The following PPP4R3A variants were observed in gnomAD, a reference collection of about 807,000 sequenced individuals.
The protein encoded by PPP4R3A is protein phosphatase 4 regulatory subunit 3A, also known as serine/threonine-protein phosphatase 4 regulatory subunit 3A.
In PPP4R3A, 15 loss-of-function variants were observed where a neutral mutation model predicts 91.7. The ratio of observed to expected loss-of-function variants is 0.16; its 90% CI spans 0.11 to 0.25. The LOEUF is 0.25. Ranked by LOEUF, PPP4R3A falls within the 10% of genes least tolerant of loss-of-function variation. The probability of loss-of-function intolerance (pLI) is 1.00; values close to 1 mark genes in which losing one functional copy is unlikely to be tolerated. For synonymous variants in PPP4R3A, 377 were observed against 348.7 expected (o/e 1.08, Z -0.91); for missense variants, 623 against 998.4 (o/e 0.62, Z 5.07).
Position 91,458,710 on chromosome 14 carries a change from G to A in PPP4R3A, c.*49C>T. On this transcript the variant is annotated 3_prime_UTR_variant, in exon 15 of 15. Coordinates refer to ENST00000554943, the MANE Select transcript of PPP4R3A (RefSeq NM_001366432.2). ...TGTGGATTTTGTATGGGGGAGGGGT[G>A]GAGAACCAGTTTTTTTCAACAGGTA... The A allele has an allele frequency of 1.2e-6, 2 of 1,613,452 alleles. No homozygotes were observed. The highest frequency in any genetic ancestry group is 1.7e-6 in the Non-Finnish European group (2 of 1,179,582).
rs1003715225 is a variant in PPP4R3A, at chr14:91,478,485, C to T, written c.916-1499G>A. Among the ~76,000 whole-genome samples, 4 of 152,378 alleles carry T rather than the reference C, an allele frequency of 2.6e-5. 1 individual carries two copies. Among genetic ancestry groups the T allele is most frequent in the South Asian group, 4.1e-4 (2 of 4,834 alleles). ...CATTTGTAAAATGCTACAGCCTTCA[C>T]AGCAGCACTTTGGATAGAAGTGTCC... On this transcript the variant is annotated intron_variant, in intron 4 of 14. Transcript: ENST00000554943.
intron 1 of PPP4R3A, among the ~76,000 whole-genome samples, chr14:91,496,288 T>C (rs1321185190): frequency 6.6e-6 from 1 of 152,222 alleles, no homozygotes; most frequent in Non-Finnish European, 1.5e-5. Flanking sequence ...ACCTTTTTGA[T>C]GTATTATACT....
intron 4 of PPP4R3A, among the ~76,000 whole-genome samples, chr14:91,481,264 G>GA (rs1320575912): frequency 1.3e-5 from 2 of 152,150 alleles, no homozygotes; most frequent in African/African-American, 4.8e-5. Context: ...CCAGGGAAGC[G>GA]AAGGTGGAGG....
At chr14:91,490,479 CTTTT>C (rs11462458) in intron 2 of PPP4R3A, among the ~76,000 whole-genome samples, 23 of 147,180 alleles carry the variant, frequency 1.6e-4, no homozygotes, top group Middle Eastern at 7.0e-3. Flanking sequence ...CAATGGTCAC[CTTTT>C]TTTTTTAGGT....
At chr14:91,506,049 C>T (rs941183950) in intron 1 of PPP4R3A, among the ~76,000 whole-genome samples, 1 of 152,086 alleles carries the variant, frequency 6.6e-6, no homozygotes, top group East Asian at 1.9e-4. Context: ...GTGTTCACAC[C>T]ATTCTCCTGC....
In PPP4R3A at chr14:91,461,444, T is replaced by G; in HGVS notation, c.2328A>C (p.Gly776=). 6.2e-7 allele frequency: 1 copy of G among 1,614,108 alleles called. No homozygotes were observed. ...PGSPGSPGSP[G]SPGSPGSVPK... is the part of the protein sequence containing the mutation. ...GTACGGATCCAGGAGAGCCTGGAGA[T>G]CCTGGGGATCCAGGTGATCCCGGAG... The change falls in exon 14 of 15, where the codon GGA becomes GGC. Residue 776 remains glycine, a synonymous_variant. Transcript: ENST00000554943.
At position 91,476,977 on chromosome 14, in the gene PPP4R3A, T is replaced by C. The variant is rs1325330384; in HGVS notation, c.925A>G (p.Lys309Glu). ...EIVGMLQEDE[K>E]FLTDLFAQLT... ...TGTGCAAACAAATCTGTCAGAAATT[T>C]TTCATCTTCCTGTGAAACAAAGGAC... Residue 309 changes from lysine to glutamate, a missense_variant, in exon 5 of 15, where the codon AAA becomes GAA. By Grantham distance (56) the Lys-to-Glu change is moderately conservative. This residue lies in a region of PPP4R3A where 264 missense variants were observed against 377.3 expected (regional missense o/e 0.70). Transcript: ENST00000554943. The C allele has an allele frequency of 6.3e-7, 1 of 1,599,984 alleles. No homozygotes were observed. Among genetic ancestry groups the C allele is most frequent in the African/African-American group, 1.3e-5 (1 of 74,716 alleles).
chr14:91,473,997 T>G (rs1889011129), intron 7 of PPP4R3A, among the ~76,000 whole-genome samples: 1 of 152,078 alleles, frequency 6.6e-6, no homozygotes, highest in African/African-American at 2.4e-5. Flanking sequence ...TTGAACTCCC[T>G]ACCTCAGGTG....
chr14:91,498,915 C>CCTGTG (rs1288454646), intron 1 of PPP4R3A, among the ~76,000 whole-genome samples: 4 of 85,842 alleles, frequency 4.7e-5, no homozygotes, highest in South Asian at 4.0e-4. Context: ...GAGACTCCAA[C>CCTGTG]TCAAAAAAAA....
rs376796437 is a variant in PPP4R3A at position 91,481,915 on chromosome 14, C to G, written c.576G>C (p.Leu192Phe). Residue 192 changes from leucine to phenylalanine, a missense_variant, in exon 4 of 15, where the codon TTG becomes TTC. Leu to Phe is a conservative substitution (Grantham distance 22). Transcript: ENST00000554943. ...GAAAGATGCCTTTGATAATTTCATA[C>G]AAGTGGTGCAGTCCTTCAATATTTT... ...DLENIEGLHHLYEIIKGIFLL... is the reference protein window; with the variant it reads ...DLENIEGLHHFYEIIKGIFLL... 32 of 1,613,872 alleles carry G rather than the reference C, an allele frequency of 2.0e-5. No homozygotes were observed. The highest frequency in any genetic ancestry group is 2.5e-5 in the Non-Finnish European group (29 of 1,180,016).
intron 1 of PPP4R3A, 100 bp from the exon 2 acceptor site, chr14:91,490,902 T>C: frequency 4.3e-6 from 1 of 231,690 alleles, no homozygotes; most frequent in South Asian, 9.6e-5. Flanking sequence ...TAATAATAAT[T>C]TTTTTTTTTT....
intron 1 of PPP4R3A, 65 bp from the exon 2 acceptor site, chr14:91,490,867 T>A: frequency 8.3e-5 from 59 of 707,426 alleles, no homozygotes; most frequent in Non-Finnish European, 1.2e-4. Flanking sequence ...TTCCCTTACA[T>A]ACACACATAT....
chr14:91,503,200 C>A (rs1422723042), intron 1 of PPP4R3A, among the ~76,000 whole-genome samples: 1 of 152,150 alleles, frequency 6.6e-6, no homozygotes, highest in African/African-American at 2.4e-5. Flanking sequence ...GTTGCCCAGG[C>A]AGGTATCGAA....
At position 91,461,418 on chromosome 14, in the gene PPP4R3A, G is replaced by C; in HGVS notation, c.2354C>G (p.Pro785Arg). Residue 785 changes from proline to arginine, a missense_variant, in exon 14 of 15, where the codon CCT (proline) becomes CGT (arginine). By Grantham distance (103) the Pro-to-Arg change is moderately radical. Transcript: ENST00000554943. ...PGSPGSPGSV[P>R]KNTSQTAAIT... Reference sequence around the variant, plus strand: ...AGCTGCCGTCTGAGATGTATTTTTAGGTACGGATCCAGGAGAGCCTGGAGA... The same window carrying C: ...AGCTGCCGTCTGAGATGTATTTTTACGTACGGATCCAGGAGAGCCTGGAGA... 6.2e-7 allele frequency: 1 copy of C among 1,613,150 alleles called. No individual in the cohort carries two copies. The highest frequency in any genetic ancestry group is 1.1e-5 in the South Asian group (1 of 91,056).
chr14:91,505,872 C>T (rs886943189), intron 1 of PPP4R3A, among the ~76,000 whole-genome samples: 1 of 152,086 alleles, frequency 6.6e-6, no homozygotes, highest in African/African-American at 2.4e-5. Context: ...GGAGCAAGCA[C>T]ACAATAATGG....
rs1888970436 is a variant in PPP4R3A, at chr14:91,473,386, G to A, written c.1267-16C>T. On this transcript the variant is annotated splice_polypyrimidine_tract_variant and intron_variant, in intron 7 of 14. Coordinates refer to ENST00000554943, the MANE Select transcript of PPP4R3A (RefSeq NM_001366432.2). ...GCAAAATATCCTGGAGAGAAAAATAGACATACTCAGGATCACTTATTATGA... is the reference window on the plus strand; with the variant it reads ...GCAAAATATCCTGGAGAGAAAAATAAACATACTCAGGATCACTTATTATGA... The A allele has an allele frequency of 3.1e-6, 5 of 1,604,298 alleles. No homozygotes were observed. Among genetic ancestry groups the A allele is most frequent in the Non-Finnish European group, 4.2e-6 (5 of 1,176,636 alleles).
At chr14:91,472,935 C>G in intron 9 of PPP4R3A, 98 bp downstream of exon 9, 2 of 1,031,860 alleles carry the variant, frequency 1.9e-6, no homozygotes, top group South Asian at 3.0e-5. Context: ...CCAGCCTCTA[C>G]CTCCCACTAA....
intron 14 of PPP4R3A, 34 bp downstream of exon 14, chr14:91,461,347 A>G (rs2140063378): frequency 6.4e-7 from 1 of 1,573,822 alleles, no homozygotes; most frequent in Admixed American, 1.7e-5. Context: ...TTCAATTGGG[A>G]AAAAAGGGGG....
Position 91,490,791 on chromosome 14 carries a change from A to G in PPP4R3A, c.154T>C (p.Leu52=), listed in dbSNP as rs201169979. Residue 52 remains leucine (L), a synonymous_variant, in exon 2 of 15, where the codon TTA becomes CTA. Transcript: ENST00000554943. ...GTGTTAGGATTTATTTTCGACTCTAAAAGTAGAGAACCTAGGAAACAGAAA... is the reference window on the plus strand; with the variant it reads ...GTGTTAGGATTTATTTTCGACTCTAGAAGTAGAGAACCTAGGAAACAGAAA... The part of the protein sequence containing the change: ...VRAESDGSLL[L]ESKINPNTAY... The G allele has an allele frequency of 7.8e-5, 126 of 1,609,418 alleles. 1 individual carries two copies. The Admixed American group carries it at 2.0e-3, about 26-fold the overall frequency.
Sources: allele counts gnomAD v4.1 joint callset (sites outside exome capture counted in the v4.1 genomes callset), GRCh38; gene constraint gnomAD v4.1.1; regional missense constraint gnomAD v4.1.1; transcripts MANE v1.5; gene names NCBI Gene and HGNC (gene_info 2026-07-23, HGNC 2026-07-21).